The following TRIQK variants were observed in gnomAD, a reference collection of about 807,000 sequenced individuals.
TRIQK encodes the protein triple QxxK/R motif-containing protein.
A neutral mutation model predicts 10.8 loss-of-function variants in TRIQK; 10 were observed. That is an observed-to-expected ratio of 0.92 (90% CI 0.57 to 1.57). TRIQK has a LOEUF of 1.57. TRIQK is among the 40% of genes most tolerant of loss of function. The pLI is 0.00. For synonymous variants in TRIQK, 33 were observed against 33.7 expected (o/e 0.98, Z 0.07); for missense variants, 107 against 97.7 (o/e 1.09, Z -0.40).
intron 2 of TRIQK, among the ~76,000 whole-genome samples, 169 bp from the exon 3 acceptor site, chr8:92,917,179 A>G (rs1005503822): frequency 6.6e-6 from 1 of 152,072 alleles, no homozygotes; most frequent in South Asian, 2.1e-4. Flanking sequence ...TAAATTATCA[A>G]TGATACAATT....
intron 3 of TRIQK, among the ~76,000 whole-genome samples, chr8:92,898,992 T>A (rs1808776638): frequency 6.7e-6 from 1 of 150,144 alleles, no homozygotes; most frequent in African/African-American, 2.4e-5. Context: ...ACAATCTGAT[T>A]ATACTACTTT....
chr8:92,887,359 T>C (rs73313287), intron 4 of TRIQK, among the ~76,000 whole-genome samples: 8,171 of 151,554 alleles, frequency 0.054, 482 homozygotes, highest in African/African-American at 0.14. Flanking sequence ...ACAATACATT[T>C]ATCACAGTTT....
At chr8:92,928,951 A>G (rs1810577931) in intron 2 of TRIQK, among the ~76,000 whole-genome samples, 1 of 152,204 alleles carries the variant, frequency 6.6e-6, no homozygotes, top group Admixed American at 6.5e-5. Context: ...TAAGTTCCAA[A>G]AGTAATCTAC....
Position 92,954,467 on chromosome 8 carries a change from G to A in TRIQK, c.-83C>T, listed in dbSNP as rs1244777281. 1 of 151,936 alleles carries A rather than the reference G, an allele frequency of 6.6e-6. No individual in the cohort carries two copies. Among genetic ancestry groups the A allele is most frequent in the Non-Finnish European group, 1.5e-5 (1 of 67,884 alleles). The allele number at this position is 151,936 out of a possible 1,614,324, so 9.4% of individuals were successfully genotyped here. ...CTGGAGAGCTGCCAAGGGGTAAGAT[G>A]TTTCCAAAGCCAAGGTCTTTAGTTA... is the stretch of plus-strand genomic sequence containing the variant. On this transcript the variant is annotated 5_prime_UTR_variant, in exon 2 of 5. Transcript: ENST00000521988.
chr8:92,982,542 G>A (rs902608006), intron 1 of TRIQK, among the ~76,000 whole-genome samples: 1 of 151,950 alleles, frequency 6.6e-6, no homozygotes, highest in African/African-American at 2.4e-5. Flanking sequence ...CCAGGATGAA[G>A]GAGAGGTTAT....
intron 1 of TRIQK, among the ~76,000 whole-genome samples, chr8:92,983,244 CA>C (rs1813002753): frequency 6.6e-6 from 1 of 151,990 alleles, no homozygotes; most frequent in South Asian, 2.1e-4. Context: ...ACAGAAGACA[CA>C]AGGCAGAGGC....
At chr8:92,910,877 G>T (rs969284095) in intron 3 of TRIQK, among the ~76,000 whole-genome samples, 2 of 151,176 alleles carry the variant, frequency 1.3e-5, no homozygotes, top group African/African-American at 2.4e-5. Flanking sequence ...TAGTCTTGGG[G>T]TATTTTAATT....
intron 4 of TRIQK, among the ~76,000 whole-genome samples, chr8:92,888,845 C>A (rs571959955): frequency 8.6e-5 from 13 of 151,574 alleles, no homozygotes; most frequent in South Asian, 8.3e-4. Flanking sequence ...TCATATAAAC[C>A]TTTTAAATAA....
At chr8:92,946,537 T>C (rs1169782257) in intron 2 of TRIQK, among the ~76,000 whole-genome samples, 17 of 152,146 alleles carry the variant, frequency 1.1e-4, no homozygotes, top group Non-Finnish European at 2.4e-4. Flanking sequence ...TCTGAACCCC[T>C]GTCTTTAAAA....
intron 1 of TRIQK, chr8:92,960,555 G>A (rs1366611158): frequency 6.6e-6 from 1 of 152,146 alleles, no homozygotes; most frequent in Non-Finnish European, 1.5e-5. Flanking sequence ...CCTCAAAATG[G>A]ACAGATTGTC....
chr8:92,953,666 A>C (rs1419387372), intron 2 of TRIQK: 1 of 152,056 alleles, frequency 6.6e-6, no homozygotes, highest in Non-Finnish European at 1.5e-5. Flanking sequence ...AAAGGGAGGC[A>C]GTATGCCCAG....
rs61243131 is a variant in TRIQK, at chr8:92,884,566, AT to A, written c.*2055del. ...ATTTAGATTAATAGTTATCAAAAAC[AT>A]TTTTCCCCAAAAAATACCTCAAGGG... On this transcript the variant is annotated 3_prime_UTR_variant, in exon 5 of 5. Coordinates refer to ENST00000521988, the MANE Select transcript of TRIQK (RefSeq NM_001171797.2). 1 of 321,238 alleles carries A rather than the reference AT, an allele frequency of 3.1e-6. No homozygotes were observed. Among genetic ancestry groups the A allele is most frequent in the Non-Finnish European group, 6.1e-6 (1 of 163,402 alleles). The allele number at this position is 321,238 out of a possible 1,614,324, so 19.9% of individuals were successfully genotyped here.
At chr8:93,008,956 A>G (rs1813301559) in intron 1 of TRIQK, among the ~76,000 whole-genome samples, 2 of 152,230 alleles carry the variant, frequency 1.3e-5, no homozygotes, top group South Asian at 4.1e-4. Flanking sequence ...AACAAAAGCA[A>G]AAATAGACAA....
chr8:92,908,489 C>A (rs1380065536), intron 3 of TRIQK, among the ~76,000 whole-genome samples: 1 of 152,116 alleles, frequency 6.6e-6, no homozygotes, highest in East Asian at 1.9e-4. Flanking sequence ...CATCTTTTCA[C>A]CTGCAAATGG....
At chr8:92,895,377 C>T (rs575770039) in intron 3 of TRIQK, among the ~76,000 whole-genome samples, 1 of 152,132 alleles carries the variant, frequency 6.6e-6, no homozygotes, top group East Asian at 1.9e-4. Flanking sequence ...TAACAAACAC[C>T]TGGAAATGTG....
chr8:93,017,583 G>A (rs553527779), intron 1 of TRIQK: 2 of 152,238 alleles, frequency 1.3e-5, no homozygotes, highest in South Asian at 4.1e-4. Flanking sequence ...TGCATGCCCC[G>A]ATCCAATTCC....
chr8:92,940,334 T>TAAAAAAAAAAAAAAAA (rs56063230), intron 2 of TRIQK, among the ~76,000 whole-genome samples: 1 of 130,372 alleles, frequency 7.7e-6, no homozygotes, highest in Non-Finnish European at 1.6e-5. Context: ...ATAGATTTAA[T>TAAAAAAAAAAAAAAAA]AAAAAAAAAA....
At chr8:92,997,877 C>A (rs1813168789) in intron 1 of TRIQK, among the ~76,000 whole-genome samples, 1 of 151,806 alleles carries the variant, frequency 6.6e-6, no homozygotes, top group Non-Finnish European at 1.5e-5. Context: ...CTTTCAAGTT[C>A]TAATAATAGA....
intron 2 of TRIQK, among the ~76,000 whole-genome samples, chr8:92,921,033 G>C (rs976494568): frequency 6.6e-6 from 1 of 151,536 alleles, no homozygotes; most frequent in Non-Finnish European, 1.5e-5. Flanking sequence ...CGTGAGCAGA[G>C]GTTTTATCAT....
Sources: allele counts gnomAD v4.1 joint callset (sites outside exome capture counted in the v4.1 genomes callset), GRCh38; gene constraint gnomAD v4.1.1; transcripts MANE v1.5; gene names NCBI Gene and HGNC (gene_info 2026-07-23, HGNC 2026-07-21).